Variants in CNTN3 observed in about 807,000 individuals in gnomAD.
The protein encoded by CNTN3 is contactin 3.
A neutral mutation model predicts 119.1 loss-of-function variants in CNTN3; 60 were observed. That is an observed-to-expected ratio of 0.50 (90% CI 0.41 to 0.62). The LOEUF (loss-of-function observed/expected upper bound fraction) is 0.62. Among genes scored for constraint, CNTN3 ranks in the 20% least tolerant of loss-of-function variants. The pLI is 0.00. For synonymous variants in CNTN3, 450 were observed against 438.7 expected (o/e 1.03, Z -0.32); for missense variants, 1,101 against 1,242.4 (o/e 0.89, Z 1.71).
intron 1 of CNTN3, among the ~76,000 whole-genome samples, chr3:74,578,997 T>C (rs986358156): frequency 2.0e-5 from 3 of 151,930 alleles, no homozygotes; most frequent in Admixed American, 2.0e-4. Flanking sequence ...AAGAAGCAAC[T>C]ATATGCTCTT....
intron 8 of CNTN3, among the ~76,000 whole-genome samples, chr3:74,368,137 A>G (rs1704243192): frequency 6.6e-6 from 1 of 152,120 alleles, no homozygotes; most frequent in Non-Finnish European, 1.5e-5. Flanking sequence ...CAATGCCTCC[A>G]TTTTGTTTCT....
intron 5 of CNTN3, among the ~76,000 whole-genome samples, chr3:74,385,724 TA>T (rs1161842025): frequency 6.6e-6 from 1 of 152,228 alleles, no homozygotes; most frequent in Non-Finnish European, 1.5e-5. Flanking sequence ...AAGGATTAGG[TA>T]ATCCATATGC....
chr3:74,411,071 A>AT lies in CNTN3; in HGVS notation c.454+13773dup, dbSNP rs532939564. Among the ~76,000 whole-genome samples the AT allele has an allele frequency of 4.5e-4, 68 of 151,694 alleles. 2 individuals carry two copies. The South Asian group carries it at 0.013, about 29-fold the overall frequency. The stretch of plus-strand genomic sequence containing the variant: ...TCCTTCTTCCTACCTTGCTTCCTCC[A>AT]TCCATCCCTTTCTTTCTTTTGTTGT... On this transcript the variant is annotated intron_variant, in intron 5 of 22. Transcript: ENST00000263665.
intron 1 of CNTN3, among the ~76,000 whole-genome samples, chr3:74,592,700 AT>A (rs934524867): frequency 2.0e-5 from 3 of 152,008 alleles, no homozygotes; most frequent in African/African-American, 7.2e-5. Context: ...TGTGGGTCAC[AT>A]CTAACCCACA....
At chr3:74,363,833 T>C (rs1575661662) in intron 10 of CNTN3, among the ~76,000 whole-genome samples, 1 of 152,110 alleles carries the variant, frequency 6.6e-6, no homozygotes, top group Non-Finnish European at 1.5e-5. Context: ...CTTCCCTTCC[T>C]CCTTTCCTTC....
At chr3:74,554,055 TAC>T in intron 1 of CNTN3, among the ~76,000 whole-genome samples, 1 of 152,306 alleles carries the variant, frequency 6.6e-6, no homozygotes, top group African/African-American at 2.4e-5. Flanking sequence ...TCCTAGGTCT[TAC>T]ATTTAAGTCT....
chr3:74,443,597 C>A (rs779104955), intron 4 of CNTN3, among the ~76,000 whole-genome samples: 5 of 152,138 alleles, frequency 3.3e-5, no homozygotes, highest in Non-Finnish European at 7.4e-5. Flanking sequence ...GGCACATCTG[C>A]ACTTCAGTCA....
At chr3:74,543,037 A>G (rs534532961) in intron 1 of CNTN3, among the ~76,000 whole-genome samples, 33 of 152,170 alleles carry the variant, frequency 2.2e-4, no homozygotes, top group African/African-American at 7.9e-4. Context: ...CTGAGGTAGG[A>G]GAATCCCTTG....
chr3:74,614,496 G>C lies in CNTN3; in HGVS notation c.-186C>G, dbSNP rs1044916907. Among the ~76,000 whole-genome samples, 2 of 145,434 alleles carry C rather than the reference G, an allele frequency of 1.4e-5. No individual in the cohort carries two copies. Among genetic ancestry groups the C allele is most frequent in the Non-Finnish European group, 3.0e-5 (2 of 65,654 alleles). On this transcript the variant is annotated 5_prime_UTR_variant, in exon 1 of 23. Transcript: ENST00000263665. ...GCCGCCGCAGTTAGTCCGGGCCCGG[G>C]GGGCCGCCGTGCGCGCCCGCGTAAG...
chr3:74,314,999 A>G (rs1031007852), intron 13 of CNTN3, among the ~76,000 whole-genome samples: 1 of 152,206 alleles, frequency 6.6e-6, no homozygotes, highest in Admixed American at 6.5e-5. Context: ...TCCCATTGGT[A>G]AAACAAAAAT....
chr3:74,562,991 G>A (rs760165000), intron 1 of CNTN3, among the ~76,000 whole-genome samples: 1 of 152,070 alleles, frequency 6.6e-6, no homozygotes, highest in Admixed American at 6.6e-5. Context: ...ATGATAAAGC[G>A]GCTGCAGATG....
intron 5 of CNTN3, among the ~76,000 whole-genome samples, chr3:74,416,639 TA>T (rs200471400): frequency 3.3e-5 from 5 of 151,214 alleles, no homozygotes; most frequent in African/African-American, 7.3e-5. Context: ...AATGTATAAG[TA>T]AAAAAAAATT....
chr3:74,571,259 G>T (rs1559662475), intron 1 of CNTN3, among the ~76,000 whole-genome samples: 1 of 152,162 alleles, frequency 6.6e-6, no homozygotes, highest in Admixed American at 6.5e-5. Flanking sequence ...TCTAGCAGCA[G>T]CGGCATCCAC....
chr3:74,319,817 CA>C (rs533398450), intron 13 of CNTN3, among the ~76,000 whole-genome samples: 219 of 139,658 alleles, frequency 1.6e-3, no homozygotes, highest in Middle Eastern at 7.2e-3. Flanking sequence ...AACAAATTTA[CA>C]AAAAAAAAAA....
intron 1 of CNTN3, among the ~76,000 whole-genome samples, chr3:74,545,414 T>C (rs1703900807): frequency 6.6e-6 from 1 of 152,200 alleles, no homozygotes; most frequent in South Asian, 2.1e-4. Flanking sequence ...TCACACTCCT[T>C]GATATTTCCA....
chr3:74,279,075 G>GT (rs1480588346), intron 20 of CNTN3, among the ~76,000 whole-genome samples: 1 of 152,140 alleles, frequency 6.6e-6, no homozygotes, highest in Non-Finnish European at 1.5e-5. Flanking sequence ...CCTTACTCCT[G>GT]TAAGAATGGC....
intron 1 of CNTN3, among the ~76,000 whole-genome samples, chr3:74,580,634 C>T (rs576204538): frequency 6.6e-6 from 1 of 152,154 alleles, no homozygotes; most frequent in Non-Finnish European, 1.5e-5. Context: ...GTAACTATCT[C>T]AATAGATTAA....
intron 13 of CNTN3, among the ~76,000 whole-genome samples, chr3:74,328,341 T>A (rs1022754708): frequency 6.6e-6 from 1 of 152,184 alleles, no homozygotes; most frequent in African/African-American, 2.4e-5. Context: ...CCAAAAAAAA[T>A]TTATCCTTTT....
At chr3:74,301,892 A>T in intron 14 of CNTN3, 87 bp from the exon 15 acceptor site, 1 of 1,418,282 alleles carries the variant, frequency 7.1e-7, no homozygotes, top group Non-Finnish European at 9.7e-7. Flanking sequence ...TCACATGACC[A>T]CTTCAATATC....
Sources: gnomAD v4.1 joint callset for allele counts (sites outside exome capture counted in the v4.1 genomes callset) on GRCh38, gnomAD v4.1.1 for gene constraint, MANE v1.5 for transcripts, NCBI Gene and HGNC (gene_info 2026-07-23, HGNC 2026-07-21) for gene names.